The following INPP5A variants were observed in gnomAD, a reference collection of about 807,000 sequenced individuals.
INPP5A encodes the protein inositol polyphosphate-5-phosphatase A.
A neutral mutation model predicts 65.2 loss-of-function variants in INPP5A; 14 were observed. The ratio of observed to expected loss-of-function variants is 0.21; its 90% CI spans 0.14 to 0.34. The LOEUF is 0.34. INPP5A is among the 10% of genes least tolerant of loss of function. The pLI, the probability that INPP5A is intolerant of heterozygous loss-of-function variation, is 1.00. For synonymous variants in INPP5A, 207 were observed against 208.3 expected (o/e 0.99, Z 0.05); for missense variants, 431 against 545.6 (o/e 0.79, Z 2.09).
At chr10:132,612,518 G>A (rs917436249) in intron 2 of INPP5A, among the ~76,000 whole-genome samples, 3 of 148,596 alleles carry the variant, frequency 2.0e-5, no homozygotes, top group African/African-American at 7.8e-5. Context: ...TGTGCAGGGG[G>A]CCTGTTTTGG....
chr10:132,605,891 C>G (rs2071842586), intron 1 of INPP5A, among the ~76,000 whole-genome samples: 1 of 152,224 alleles, frequency 6.6e-6, no homozygotes, highest in African/African-American at 2.4e-5. Context: ...CATAAACAGT[C>G]AGCAAACACG....
chr10:132,757,643 A>AGGATGAC (rs1846649951), intron 11 of INPP5A, among the ~76,000 whole-genome samples: 1 of 152,252 alleles, frequency 6.6e-6, no homozygotes. Flanking sequence ...ACAGCCTGGA[A>AGGATGAC]GGATGACTTG....
At position 132,548,165 on chromosome 10, in the gene INPP5A, C is replaced by T. The variant is rs146404789; in HGVS notation, c.75+9994C>T. On this transcript the variant is annotated intron_variant, in intron 1 of 15. Coordinates refer to ENST00000368594, the MANE Select transcript of INPP5A (RefSeq NM_005539.5). Reference sequence around the variant, plus strand: ...GATCTGCCCGCATTATAGGTGTGAGCCATCGTGCCCGGCCATGGTGTCTTT... The same window carrying T: ...GATCTGCCCGCATTATAGGTGTGAGTCATCGTGCCCGGCCATGGTGTCTTT... Among the ~76,000 whole-genome samples the T allele has an allele frequency of 2.3e-3, 347 of 152,148 alleles. 2 individuals carry two copies. Among genetic ancestry groups the T allele is most frequent in the African/African-American group, 7.7e-3 (318 of 41,502 alleles).
intron 4 of INPP5A, among the ~76,000 whole-genome samples, chr10:132,683,508 G>T (rs949149438): frequency 3.3e-5 from 5 of 152,242 alleles, no homozygotes; most frequent in Non-Finnish European, 7.3e-5. Flanking sequence ...TATGTGGAGG[G>T]TGCGTGTCTG....
intron 5 of INPP5A, among the ~76,000 whole-genome samples, chr10:132,691,359 C>T (rs1259792356): frequency 6.6e-6 from 1 of 152,210 alleles, no homozygotes; most frequent in Non-Finnish European, 1.5e-5. Context: ...CACAGAATTG[C>T]AGGAGCCGGC....
intron 5 of INPP5A, among the ~76,000 whole-genome samples, chr10:132,691,155 C>T (rs1188871761): frequency 2.6e-5 from 4 of 152,212 alleles, no homozygotes; most frequent in South Asian, 2.1e-4. Flanking sequence ...TGTGCTCCCT[C>T]GGGAGACGGA....
intron 12 of INPP5A, among the ~76,000 whole-genome samples, chr10:132,774,342 G>A (rs1203471518): frequency 3.9e-5 from 6 of 152,344 alleles, no homozygotes; most frequent in Middle Eastern, 3.4e-3. Flanking sequence ...CTCCTGCTCC[G>A]TGTACACAAG....
At chr10:132,719,616 C>T (rs908172490) in intron 8 of INPP5A, among the ~76,000 whole-genome samples, 13 of 145,462 alleles carry the variant, frequency 8.9e-5, no homozygotes, top group Admixed American at 5.4e-4. Flanking sequence ...TTTCTGGAGG[C>T]GCCTTAGACA....
intron 3 of INPP5A, among the ~76,000 whole-genome samples, chr10:132,649,099 G>A (rs1183593943): frequency 2.0e-5 from 3 of 152,076 alleles, no homozygotes; most frequent in Non-Finnish European, 2.9e-5. Flanking sequence ...GGTTTGGATC[G>A]CCTCTGTTGC....
Position 132,546,354 on chromosome 10 carries a change from G to A in INPP5A, c.75+8183G>A, listed in dbSNP as rs1189869508. 3.3e-5 allele frequency among the ~76,000 whole-genome samples: 5 copies of A among 152,096 alleles called. No homozygotes were observed. The highest frequency in any genetic ancestry group is 1.2e-4 in the African/African-American group (5 of 41,416). On this transcript the variant is annotated intron_variant, in intron 1 of 15. Coordinates refer to ENST00000368594, the MANE Select transcript of INPP5A (RefSeq NM_005539.5). This position sits in a 1 kb window ranked among gnomAD's most constrained non-coding sequence, Gnocchi z 5.7. ...GCCGCTTCTGGTTTTTCCCCGTTGT[G>A]AGTGAGAACAGCCCCACCTCCAGGA...
At chr10:132,599,884 G>C (rs1386483173) in intron 1 of INPP5A, among the ~76,000 whole-genome samples, 1 of 152,266 alleles carries the variant, frequency 6.6e-6, no homozygotes, top group African/African-American at 2.4e-5. Context: ...CGAGCTGTAT[G>C]TTGGCCCCTT....
rs1590920667 is a variant in INPP5A, at chr10:132,681,078, C to T, written c.307-9314C>T. 1.3e-5 allele frequency among the ~76,000 whole-genome samples: 2 copies of T among 152,388 alleles called. 1 individual carries two copies. Among genetic ancestry groups the T allele is most frequent in the South Asian group, 4.1e-4 (2 of 4,832 alleles). On this transcript the variant is annotated intron_variant, in intron 4 of 15. Coordinates refer to ENST00000368594, the MANE Select transcript of INPP5A (RefSeq NM_005539.5). Reference sequence around the variant, plus strand: ...ACTGGCAGGCAGCTCCACCTGCAGCCCCAGTGCGGGATCCACCGTGTGAAG... The same window carrying T: ...ACTGGCAGGCAGCTCCACCTGCAGCTCCAGTGCGGGATCCACCGTGTGAAG...
chr10:132,716,228 C>T (rs1404759108), intron 8 of INPP5A, among the ~76,000 whole-genome samples: 1 of 152,230 alleles, frequency 6.6e-6, no homozygotes, highest in Admixed American at 6.5e-5. Flanking sequence ...GCCCCGTCCT[C>T]CATCCTGAAC....
chr10:132,609,870 G>A (rs1188036159), intron 2 of INPP5A, among the ~76,000 whole-genome samples: 1 of 152,212 alleles, frequency 6.6e-6, no homozygotes, highest in Non-Finnish European at 1.5e-5. Flanking sequence ...GTCTTGAACT[G>A]ACCTCAGCTG....
intron 12 of INPP5A, among the ~76,000 whole-genome samples, chr10:132,771,724 ACAGACAC>A (rs1846955783): frequency 2.8e-5 from 2 of 72,128 alleles, no homozygotes; most frequent in Admixed American, 3.5e-4. Flanking sequence ...GAAGAGTGGG[ACAGACAC>A]TCAGCACTGA....
chr10:132,771,605 T>C (rs545448842), intron 12 of INPP5A, among the ~76,000 whole-genome samples: 2 of 151,452 alleles, frequency 1.3e-5, no homozygotes, highest in East Asian at 2.0e-4. Context: ...CCAGTGCCCA[T>C]GAAGAGTGGG....
At chr10:132,568,552 C>T (rs2071299863) in intron 1 of INPP5A, among the ~76,000 whole-genome samples, 2 of 151,666 alleles carry the variant, frequency 1.3e-5, no homozygotes, top group Admixed American at 1.3e-4. Flanking sequence ...AGCTTGAGAC[C>T]AGCCTGGCCA....
intron 7 of INPP5A, 134 bp downstream of exon 7, chr10:132,708,499 C>T: frequency 1.2e-6 from 1 of 850,256 alleles, no homozygotes; most frequent in Non-Finnish European, 2.1e-6. Context: ...GCCTGACCCC[C>T]ACCTGCCACT....
chr10:132,772,728 C>T (rs1170927380), intron 12 of INPP5A, among the ~76,000 whole-genome samples: 2 of 26,200 alleles, frequency 7.6e-5, no homozygotes, highest in African/African-American at 2.0e-4. Flanking sequence ...CCACGGCAGC[C>T]GCCCCACGAA....
Sources: allele counts gnomAD v4.1 joint callset (sites outside exome capture counted in the v4.1 genomes callset), GRCh38; gene constraint gnomAD v4.1.1; non-coding constraint Gnocchi (gnomAD v3.1); transcripts MANE v1.5; gene names NCBI Gene and HGNC (gene_info 2026-07-23, HGNC 2026-07-21).